The following CFAP206 variants were observed in gnomAD, a reference collection of about 807,000 sequenced individuals.
CFAP206 encodes cilia and flagella associated protein 206, also known as cilia- and flagella-associated protein 206.
In CFAP206, 53 loss-of-function variants were observed where a neutral mutation model predicts 65.4. The observed-to-expected ratio is 0.81, with a 90% CI of 0.65 to 1.02. The LOEUF is 1.02. Ranked by LOEUF, CFAP206 falls within the 50% of genes least tolerant of loss-of-function variation. The pLI, the probability that CFAP206 is intolerant of heterozygous loss-of-function variation, is 0.00. For synonymous variants in CFAP206, 250 were observed against 254.4 expected, an observed-to-expected ratio of 0.98 and a Z score of 0.17; for missense variants, 663 against 753.2, an observed-to-expected ratio of 0.88 and a Z score of 1.40.
At chr6:87,461,212 A>T (rs1372760558) in intron 12 of CFAP206, 47 bp downstream of exon 12, 2 of 1,340,612 alleles carry the variant, frequency 1.5e-6, no homozygotes, top group Non-Finnish European at 2.0e-6. Flanking sequence ...GGGGAATTTT[A>T]ATCTATTGTT....
intron 11 of CFAP206, among the ~76,000 whole-genome samples, chr6:87,454,234 A>G (rs188611268): frequency 1.3e-5 from 2 of 152,338 alleles, no homozygotes; most frequent in Admixed American, 1.3e-4. Flanking sequence ...ATCCAGACAT[A>G]TAAAACAAAT....
In CFAP206 at chr6:87,434,951, A is replaced by G; in HGVS notation, c.1392A>G (p.Glu464=). The G allele has an allele frequency of 6.3e-7, 1 of 1,586,222 alleles. No individual in the cohort carries two copies. The highest frequency in any genetic ancestry group is 8.6e-7 in the Non-Finnish European group (1 of 1,157,436). The change falls in exon 11 of 13, where the codon GAA becomes GAG. Residue 464 remains glutamate (E), a synonymous_variant. Coordinates refer to ENST00000369562, the MANE Select transcript of CFAP206 (RefSeq NM_001031743.3). ...DAAYSFAENP[E]HYIDIVREKA... ...CATATTCATTTGCAGAAAATCCTGA[A>G]CATTATATTGACATAGTTAGAGAAA... is the stretch of plus-strand genomic sequence containing the variant.
At chr6:87,450,781 G>A (rs771024584) in intron 11 of CFAP206, among the ~76,000 whole-genome samples, 18 of 152,034 alleles carry the variant, frequency 1.2e-4, no homozygotes, top group Non-Finnish European at 1.9e-4. Context: ...AAGGAAAGAG[G>A]TACTGAAGAG....
chr6:87,415,533 T>C, intron 4 of CFAP206, 153 bp from the exon 5 acceptor site: 1 of 746,642 alleles, frequency 1.3e-6, no homozygotes, highest in Non-Finnish European at 2.3e-6. Flanking sequence ...GGCTACATGC[T>C]GGCCACTGTT....
intron 10 of CFAP206, among the ~76,000 whole-genome samples, chr6:87,431,809 C>A (rs1026798261): frequency 6.6e-6 from 1 of 152,138 alleles, no homozygotes; most frequent in African/African-American, 2.4e-5. Flanking sequence ...AAAAATATAT[C>A]TTCCAAAGTA....
rs536785748 is a variant in CFAP206 at position 87,444,894 on chromosome 6, G to A, written c.1494+9841G>A. 4 of 543,114 alleles carry A rather than the reference G, an allele frequency of 7.4e-6. No homozygotes were observed. In the East Asian group the frequency reaches 1.9e-4, roughly 26 times the overall value. The allele number at this position is 543,114 out of a possible 1,614,324, so 33.6% of individuals were successfully genotyped here. ...TGGCCCAGAAGTCTGTGTGTGAAAA[G>A]CGCTTGTAAGGCTCACCACTTGTAA... On this transcript the variant is annotated intron_variant, in intron 11 of 12. Transcript: ENST00000369562.
At chr6:87,438,697 G>T (rs1387977905) in intron 11 of CFAP206, among the ~76,000 whole-genome samples, 1 of 151,916 alleles carries the variant, frequency 6.6e-6, no homozygotes, top group African/African-American at 2.4e-5. Flanking sequence ...GGCTCTATTT[G>T]TCAGAGTTTT....
intron 11 of CFAP206, among the ~76,000 whole-genome samples, chr6:87,439,430 G>A (rs1400992801): frequency 1.3e-5 from 2 of 151,958 alleles, no homozygotes; most frequent in African/African-American, 4.8e-5. Context: ...TGATTTGCAG[G>A]AAGTGTTTTT....
At chr6:87,422,315 T>G (rs1767954532) in intron 7 of CFAP206, among the ~76,000 whole-genome samples, 1 of 150,506 alleles carries the variant, frequency 6.6e-6, no homozygotes, top group Non-Finnish European at 1.5e-5. Context: ...CCAGGCATGG[T>G]GGTGCGAGCC....
At chr6:87,437,141 T>TGTATTTTTA (rs1768281779) in intron 11 of CFAP206, among the ~76,000 whole-genome samples, 1 of 152,160 alleles carries the variant, frequency 6.6e-6, no homozygotes, top group Non-Finnish European at 1.5e-5. Context: ...GGCTAATTTT[T>TGTATTTTTA]GTATTTTTAG....
chr6:87,456,091 T>C (rs1363217501), intron 11 of CFAP206, among the ~76,000 whole-genome samples: 1 of 152,178 alleles, frequency 6.6e-6, no homozygotes, highest in Non-Finnish European at 1.5e-5. Flanking sequence ...CTGGTGAACA[T>C]TGATGTGAAA....
chr6:87,464,205 C>G lies in CFAP206; in HGVS notation c.1824C>G (p.Thr608=). The change falls in exon 13 of 13, where the codon ACC becomes ACG. Residue 608 remains threonine, a synonymous_variant. Coordinates refer to ENST00000369562, the MANE Select transcript of CFAP206 (RefSeq NM_001031743.3). The part of the protein sequence containing the change: ...AGLRGGKSEI[T]DEVKVNLTRD... The stretch of plus-strand genomic sequence containing the variant: ...TTCGTGGAGGAAAGAGCGAAATCAC[C>G]GATGAGGTCAAGGTGAACTTAACTA... 1 of 1,614,058 alleles carries G rather than the reference C, an allele frequency of 6.2e-7. No homozygotes were observed. Among genetic ancestry groups the G allele is most frequent in the Non-Finnish European group, 8.5e-7 (1 of 1,179,974 alleles).
rs557662013 is a variant in CFAP206 at position 87,461,621 on chromosome 6, T to G, written c.1638+456T>G. On this transcript the variant is annotated intron_variant, in intron 12 of 12. Transcript: ENST00000369562. ...TACCCTTAAAGCCTGTCTTTGAAAC[T>G]CTCATCCCTGTCCAACTGAGTGAAA... Among the ~76,000 whole-genome samples, 64 of 152,284 alleles carry G rather than the reference T, an allele frequency of 4.2e-4. 1 individual carries two copies. Among genetic ancestry groups the G allele is most frequent in the African/African-American group, 1.4e-3 (59 of 41,554 alleles).
intron 9 of CFAP206, 84 bp downstream of exon 9, chr6:87,428,908 T>C (rs929372128): frequency 2.1e-5 from 27 of 1,292,488 alleles, no homozygotes; most frequent in Middle Eastern, 1.9e-4. Flanking sequence ...AAATTTCATA[T>C]CTTTCTGATA....
chr6:87,449,202 C>T (rs1185781486), intron 11 of CFAP206, among the ~76,000 whole-genome samples: 7 of 151,808 alleles, frequency 4.6e-5, no homozygotes, highest in Admixed American at 2.0e-4. Flanking sequence ...TTTGGGAGGC[C>T]GAGGTGGGCA....
At chr6:87,432,490 C>T (rs1768177186) in intron 10 of CFAP206, among the ~76,000 whole-genome samples, 1 of 152,126 alleles carries the variant, frequency 6.6e-6, no homozygotes, top group Non-Finnish European at 1.5e-5. Context: ...TCCTTCCTTC[C>T]TTCCCTGTTT....
At chr6:87,422,388 T>C (rs915531048) in intron 7 of CFAP206, among the ~76,000 whole-genome samples, 1 of 145,330 alleles carries the variant, frequency 6.9e-6, no homozygotes, top group African/African-American at 2.6e-5. Flanking sequence ...AGGCAGAGGT[T>C]GCAATGAGCC....
At chr6:87,412,643 T>A (rs1038642396) in intron 3 of CFAP206, among the ~76,000 whole-genome samples, 1 of 152,058 alleles carries the variant, frequency 6.6e-6, no homozygotes, top group Non-Finnish European at 1.5e-5. Flanking sequence ...TTTTTAATTT[T>A]AATTTAATTT....
chr6:87,432,738 C>A (rs1294179064), intron 10 of CFAP206, among the ~76,000 whole-genome samples: 1 of 152,180 alleles, frequency 6.6e-6, no homozygotes, highest in Admixed American at 6.5e-5. Context: ...AACTCTGGGT[C>A]TAAGAAGAAA....
Sources: allele counts gnomAD v4.1 joint callset (sites outside exome capture counted in the v4.1 genomes callset), GRCh38; gene constraint gnomAD v4.1.1; transcripts MANE v1.5; gene names NCBI Gene and HGNC (gene_info 2026-07-23, HGNC 2026-07-21).